Variants in YEATS2 observed in about 807,000 individuals in gnomAD.
YEATS2 encodes the protein YEATS domain-containing protein 2.
A neutral mutation model predicts 163.2 loss-of-function variants in YEATS2; 77 were observed. The ratio of observed to expected loss-of-function variants is 0.47; its 90% CI spans 0.39 to 0.57. YEATS2 has a LOEUF of 0.57. Among genes scored for constraint, YEATS2 ranks in the 20% least tolerant of loss-of-function variants. YEATS2 has a pLI of 0.00. For synonymous variants in YEATS2, 631 were observed against 645.1 expected, an observed-to-expected ratio of 0.98 and a Z score of 0.33; for missense variants, 1,549 against 1,729.8, an observed-to-expected ratio of 0.90 and a Z score of 1.85.
intron 7 of YEATS2, among the ~76,000 whole-genome samples, chr3:183,731,985 G>A (rs900634911): frequency 6.6e-6 from 1 of 151,804 alleles, no homozygotes; most frequent in Non-Finnish European, 1.5e-5. Flanking sequence ...TTGGTTACGT[G>A]CTTCTGGTTT....
intron 15 of YEATS2, among the ~76,000 whole-genome samples, chr3:183,763,358 G>A (rs1314367961): frequency 1.3e-5 from 2 of 152,130 alleles, no homozygotes; most frequent in Non-Finnish European, 2.9e-5. Context: ...TCTAAATATA[G>A]AAAAGATACT....
intron 20 of YEATS2, among the ~76,000 whole-genome samples, chr3:183,786,663 C>T (rs1014930870): frequency 4.6e-5 from 7 of 151,568 alleles, no homozygotes; most frequent in African/African-American, 1.7e-4. Context: ...TAAAGGGAGT[C>T]ATATAACATG....
intron 8 of YEATS2, among the ~76,000 whole-genome samples, chr3:183,741,747 A>G (rs544153981): frequency 2.0e-5 from 3 of 151,660 alleles, no homozygotes; most frequent in Admixed American, 6.6e-5. Flanking sequence ...GCGCCACTGC[A>G]CTCCAGCCTG....
intron 5 of YEATS2, among the ~76,000 whole-genome samples, chr3:183,724,166 A>G (rs548876543): frequency 6.6e-6 from 1 of 152,114 alleles, no homozygotes; most frequent in Non-Finnish European, 1.5e-5. Context: ...TCCAAATCCT[A>G]TTTGCATATT....
At chr3:183,797,575 T>TA (rs1725278535) in intron 21 of YEATS2, among the ~76,000 whole-genome samples, 1 of 150,210 alleles carries the variant, frequency 6.7e-6, no homozygotes, top group Non-Finnish European at 1.5e-5. Context: ...AATAAATAAA[T>TA]AGGGACCAGG....
chr3:183,737,864 TG>T (rs1718509786), intron 8 of YEATS2, among the ~76,000 whole-genome samples: 1 of 152,204 alleles, frequency 6.6e-6, no homozygotes, highest in African/African-American at 2.4e-5. Flanking sequence ...AGTAGATACT[TG>T]ATTTTTAAAA....
chr3:183,802,893 G>A (rs80111310), intron 25 of YEATS2: 5,600 of 188,464 alleles, frequency 0.03, 341 homozygotes, highest in African/African-American at 0.12. Context: ...TCACATCACC[G>A]CACTCCAGCC....
chr3:183,720,882 G>A (rs547774545), intron 4 of YEATS2, among the ~76,000 whole-genome samples: 1 of 151,438 alleles, frequency 6.6e-6, no homozygotes, highest in South Asian at 2.1e-4. Context: ...AGTATTTCCC[G>A]GCTGTAATTT....
At chr3:183,759,531 C>T (rs1213096726) in intron 13 of YEATS2, among the ~76,000 whole-genome samples, 1 of 152,096 alleles carries the variant, frequency 6.6e-6, no homozygotes, top group Non-Finnish European at 1.5e-5. Flanking sequence ...CTTTCTTTTG[C>T]TTATTAAACT....
At position 183,776,095 on chromosome 3, in the gene YEATS2, C is replaced by T. The variant is rs1722971007; in HGVS notation, c.2549C>T (p.Thr850Ile). The change falls in exon 18 of 31, where the codon ACA becomes ATA. Residue 850 changes from threonine (T) to isoleucine (I), a missense_variant. Physicochemically the swap from Thr to Ile is moderately conservative, Grantham distance 89 (BLOSUM62 -1). Coordinates refer to ENST00000305135, the MANE Select transcript of YEATS2 (RefSeq NM_018023.5). ...GGGATATCTCAGCACCTGACTTACA[C>T]ATCTTACATCCTCAAGCAAACTCCC... ...PGGISQHLTY[T>I]SYILKQTPQG... 1 of 1,596,016 alleles carries T rather than the reference C, an allele frequency of 6.3e-7. No individual in the cohort carries two copies. The highest frequency in any genetic ancestry group is 1.7e-5 in the Admixed American group (1 of 57,330).
chr3:183,793,177 TACAC>T, intron 21 of YEATS2: 2 of 1,287,826 alleles, frequency 1.6e-6, no homozygotes, highest in Non-Finnish European at 1.0e-6. Context: ...ATCACCGAGA[TACAC>T]ACACACACTC....
chr3:183,753,840 A>G (rs949768050), intron 10 of YEATS2, among the ~76,000 whole-genome samples: 42 of 152,348 alleles, frequency 2.8e-4, no homozygotes, highest in African/African-American at 1.0e-3. Flanking sequence ...TTCAGTTTAT[A>G]TATTAAAAAA....
At chr3:183,806,231 A>G in intron 27 of YEATS2, 1 of 452,350 alleles carries the variant, frequency 2.2e-6, no homozygotes, top group Non-Finnish European at 4.4e-6. Context: ...AGCCCCAGCC[A>G]TCATAACTTG....
At chr3:183,805,126 G>A (rs1041238988) in intron 27 of YEATS2, among the ~76,000 whole-genome samples, 18 of 151,956 alleles carry the variant, frequency 1.2e-4, no homozygotes, top group African/African-American at 1.5e-4. Context: ...TGGGCCGGGC[G>A]TAGTGGCTCA....
chr3:183,786,366 G>A (rs1724068168), intron 20 of YEATS2, 65 bp downstream of exon 20: 2 of 1,489,832 alleles, frequency 1.3e-6, no homozygotes, highest in Non-Finnish European at 9.1e-7. Context: ...TACAAGGAAG[G>A]TGTCCAGCAG....
chr3:183,706,199 C>A (rs992000349), intron 1 of YEATS2, among the ~76,000 whole-genome samples: 1 of 151,840 alleles, frequency 6.6e-6, no homozygotes, highest in Admixed American at 6.6e-5. Context: ...TTAAGCTAAC[C>A]TAAGAAAAGA....
rs781489181 is a variant in YEATS2, at chr3:183,721,901, CAT to C, written c.303_304del (p.Cys102Ter). ...TTTCATTTTTTGTAGGGATCAAAGACATGTGATACAATGGTTTTTAATCATCC... is the reference window on the plus strand; with the variant it reads ...TTTCATTTTTTGTAGGGATCAAAGACGTGATACAATGGTTTTTAATCATCC... On this transcript the variant is annotated frameshift_variant, in exon 5 of 31. Transcript: ENST00000305135. LOFTEE classifies it high-confidence loss of function. The C allele has an allele frequency of 6.8e-6, 11 of 1,613,944 alleles. No individual in the cohort carries two copies. Among genetic ancestry groups the C allele is most frequent in the East Asian group, 2.2e-5 (1 of 44,878 alleles).
intron 30 of YEATS2, chr3:183,809,464 A>G (rs1726569041): frequency 1.2e-5 from 3 of 254,042 alleles, no homozygotes; most frequent in Non-Finnish European, 2.3e-5. Context: ...GCAATTAAAG[A>G]TAACAGTGTC....
At chr3:183,753,102 A>AC (rs1380719808) in intron 10 of YEATS2, among the ~76,000 whole-genome samples, 1 of 152,110 alleles carries the variant, frequency 6.6e-6, no homozygotes, top group Non-Finnish European at 1.5e-5. Context: ...CTGGCCTAAA[A>AC]CAGATTTTTA....
Sources: allele counts gnomAD v4.1 joint callset (sites outside exome capture counted in the v4.1 genomes callset), GRCh38; gene constraint gnomAD v4.1.1; transcripts MANE v1.5; gene names NCBI Gene and HGNC (gene_info 2026-07-23, HGNC 2026-07-21).